Variants in AK5 observed in about 807,000 individuals in gnomAD.
AK5 encodes the protein adenylate kinase isoenzyme 5.
In AK5, 27 loss-of-function variants were observed where a neutral mutation model predicts 69.5. The ratio of observed to expected loss-of-function variants is 0.39; its 90% confidence interval spans 0.29 to 0.54. The LOEUF (loss-of-function observed/expected upper bound fraction) is 0.54. Among genes scored for constraint, AK5 ranks in the 20% least tolerant of loss-of-function variants. The probability of loss-of-function intolerance (pLI) is 0.71; values close to 1 mark genes in which losing one functional copy is unlikely to be tolerated. For synonymous variants in AK5, 260 were observed against 244.4 expected, an observed-to-expected ratio of 1.06 and a Z score of -0.60; for missense variants, 531 against 700.4, an observed-to-expected ratio of 0.76 and a Z score of 2.73.
chr1:77,343,542 G>A (rs963395834), intron 6 of AK5, among the ~76,000 whole-genome samples: 1 of 152,172 alleles, frequency 6.6e-6, no homozygotes, highest in African/African-American at 2.4e-5. Context: ...CAGAGAGCGT[G>A]TTTTAAGATG....
intron 8 of AK5, among the ~76,000 whole-genome samples, chr1:77,444,322 GTATATATATAGTA>G (rs1557598314): frequency 1.5e-4 from 7 of 47,996 alleles, no homozygotes; most frequent in African/African-American, 6.1e-4. Context: ...CAATATATGT[GTATATATATAGTA>G]TATATACACA....
Position 77,367,615 on chromosome 1 carries a change from A to ATATGTTATATATATGT in AK5, c.891+27059_891+27060insATGTTATGTTATATAT, listed in dbSNP as rs1553139807. ...TATATATGTAATATATATGTAATATATATGTTATATATGTAATATATATGT... is the reference window on the plus strand; with the variant it reads ...TATATATGTAATATATATGTAATATATATGTTATATATATGTTATGTTATATATGTAATATATATGT... On this transcript the variant is annotated intron_variant, in intron 6 of 13. Transcript: ENST00000354567. Among the ~76,000 whole-genome samples the ATATGTTATATATATGT allele has an allele frequency of 2.2e-3, 203 of 91,202 alleles. 6 individuals carry two copies. Among genetic ancestry groups the ATATGTTATATATATGT allele is most frequent in the Middle Eastern group, 0.022 (3 of 136 alleles). The allele number at this position is 91,202 out of a possible 152,430, so 59.8% of individuals were successfully genotyped here.
chr1:77,425,444 G>T (rs375688371), intron 8 of AK5, among the ~76,000 whole-genome samples: 3 of 151,930 alleles, frequency 2.0e-5, no homozygotes, highest in East Asian at 3.9e-4. Context: ...AAAATTGGCC[G>T]GGTATGGTGG....
At chr1:77,477,329 G>T (rs1161367274) in intron 8 of AK5, among the ~76,000 whole-genome samples, 2 of 152,084 alleles carry the variant, frequency 1.3e-5, no homozygotes, top group African/African-American at 4.8e-5. Context: ...CATCTGGCCT[G>T]GTTGTTCTTT....
chr1:77,325,095 A>T (rs1394199030), intron 5 of AK5, among the ~76,000 whole-genome samples: 1 of 150,594 alleles, frequency 6.6e-6, no homozygotes, highest in Non-Finnish European at 1.5e-5. Context: ...CTCCTGCCTC[A>T]ACCTCCTGAG....
In AK5 at chr1:77,488,304, C is replaced by T. The variant is rs539274162; in HGVS notation, c.1147+1952C>T. 5.3e-5 allele frequency among the ~76,000 whole-genome samples: 8 copies of T among 152,242 alleles called. No individual in the cohort carries two copies. The East Asian group carries it at 1.5e-3, about 29-fold the overall frequency. On this transcript the variant is annotated intron_variant, in intron 10 of 13. Transcript: ENST00000354567. ...CTCTTATTGAAGAGTAACCCAATGT[C>T]ATAATTGCAAAGGAAAATTAGTTGT... is the stretch of plus-strand genomic sequence containing the variant.
At chr1:77,303,436 T>C (rs964889318) in intron 5 of AK5, among the ~76,000 whole-genome samples, 2 of 152,258 alleles carry the variant, frequency 1.3e-5, no homozygotes. Flanking sequence ...TTTAGAAAAG[T>C]AATCATATTT....
At chr1:77,505,580 C>G (rs1348393058) in intron 10 of AK5, among the ~76,000 whole-genome samples, 5 of 152,022 alleles carry the variant, frequency 3.3e-5, no homozygotes, top group Non-Finnish European at 5.9e-5. Flanking sequence ...TTCTTTAAAA[C>G]AAGAGGGCCG....
intron 6 of AK5, among the ~76,000 whole-genome samples, chr1:77,387,906 A>G (rs184678891): frequency 1.3e-5 from 2 of 152,342 alleles, no homozygotes; most frequent in Admixed American, 6.5e-5. Context: ...CTGGCTTTCC[A>G]TTAGTAAAGG....
At chr1:77,491,601 A>C (rs1180696101) in intron 10 of AK5, among the ~76,000 whole-genome samples, 1 of 152,194 alleles carries the variant, frequency 6.6e-6, no homozygotes, top group Non-Finnish European at 1.5e-5. Flanking sequence ...CACCGTGCTC[A>C]GCCATGAATT....
chr1:77,517,780 C>T (rs1480421014), intron 10 of AK5, among the ~76,000 whole-genome samples: 2 of 152,192 alleles, frequency 1.3e-5, no homozygotes, highest in African/African-American at 2.4e-5. Context: ...AGGAAACCCA[C>T]AGAAACTGTT....
intron 8 of AK5, among the ~76,000 whole-genome samples, chr1:77,469,254 G>T (rs1477489583): frequency 6.6e-6 from 1 of 152,146 alleles, no homozygotes; most frequent in African/African-American, 2.4e-5. Flanking sequence ...CTAAGCTATT[G>T]TACCCAGTTA....
chr1:77,509,178 T>G (rs1057167960), intron 10 of AK5, among the ~76,000 whole-genome samples: 1 of 152,152 alleles, frequency 6.6e-6, no homozygotes, highest in Admixed American at 6.5e-5. Flanking sequence ...TTCACTGATA[T>G]ACTATACACG....
chr1:77,486,501 C>T (rs765278535), intron 10 of AK5, 149 bp downstream of exon 10: 33 of 483,220 alleles, frequency 6.8e-5, no homozygotes, highest in Non-Finnish European at 1.2e-4. Flanking sequence ...CGAGACCATC[C>T]TGGCTAACAC....
chr1:77,499,233 C>T (rs1348881869), intron 10 of AK5, among the ~76,000 whole-genome samples: 1 of 152,218 alleles, frequency 6.6e-6, no homozygotes, highest in East Asian at 1.9e-4. Flanking sequence ...GTTTTCTTAG[C>T]TGCAAATGAA....
intron 8 of AK5, among the ~76,000 whole-genome samples, chr1:77,458,539 A>G (rs1244890174): frequency 6.6e-6 from 1 of 152,248 alleles, no homozygotes; most frequent in African/African-American, 2.4e-5. Flanking sequence ...GCTCCACATT[A>G]CTGGGGAAAC....
rs148505832 is a variant in AK5, at chr1:77,328,873, C to T, written c.700-11504C>T. The stretch of plus-strand genomic sequence containing the variant: ...CACAGCCTGGGTAATTTATAAAGAA[C>T]GGAAGTGAATATGGCTTATGGTTCT... On this transcript the variant is annotated intron_variant, in intron 5 of 13. Coordinates refer to ENST00000354567, the MANE Select transcript of AK5 (RefSeq NM_174858.3). 3.7e-3 allele frequency among the ~76,000 whole-genome samples: 561 copies of T among 152,182 alleles called. 4 individuals are homozygous for T. The highest frequency in any genetic ancestry group is 0.013 in the African/African-American group (533 of 41,518).
intron 5 of AK5, among the ~76,000 whole-genome samples, chr1:77,299,931 G>A (rs530531952): frequency 2.6e-4 from 40 of 152,030 alleles, no homozygotes; most frequent in Non-Finnish European, 4.3e-4. Flanking sequence ...TGGCTTTTCT[G>A]GTGACTTAAA....
chr1:77,425,045 G>A (rs1367109739), intron 8 of AK5, among the ~76,000 whole-genome samples: 1 of 152,190 alleles, frequency 6.6e-6, no homozygotes, highest in Non-Finnish European at 1.5e-5. Flanking sequence ...ACCTGTAGTA[G>A]AGCGAAGATC....
Sources: gnomAD v4.1 joint callset for allele counts (sites outside exome capture counted in the v4.1 genomes callset) on GRCh38, gnomAD v4.1.1 for gene constraint, MANE v1.5 for transcripts, NCBI Gene and HGNC (gene_info 2026-07-23, HGNC 2026-07-21) for gene names.